The following PPARGC1A variants were observed in gnomAD, a reference collection of about 807,000 sequenced individuals.
PPARGC1A encodes peroxisome proliferator-activated receptor gamma coactivator 1-alpha.
In PPARGC1A, 25 loss-of-function variants were observed where a neutral mutation model predicts 88.7. That is an observed-to-expected ratio of 0.28 (90% CI 0.21 to 0.39). The LOEUF is 0.39. Ranked by LOEUF, PPARGC1A falls within the 10% of genes least tolerant of loss-of-function variation. PPARGC1A has a pLI of 1.00. For missense variants in PPARGC1A, 880 were observed against 968.7 expected (o/e 0.91, Z 1.22); for synonymous variants, 363 against 355.6 (o/e 1.02, Z -0.24).
At chr4:24,429,388 C>G in the PPARGC1A span, among the ~76,000 whole-genome samples, 5 of 152,092 alleles carry the variant, frequency 3.3e-5, no homozygotes, top group African/African-American at 7.2e-5. Flanking sequence ...TGCGTCACCC[C>G]CTACAAGGCC....
the PPARGC1A span, among the ~76,000 whole-genome samples, chr4:23,938,778 T>C: frequency 3.3e-4 from 50 of 152,198 alleles, no homozygotes; most frequent in African/African-American, 1.1e-3. Context: ...GTCAGAGAAA[T>C]AGTGTAGGAC....
the PPARGC1A span, among the ~76,000 whole-genome samples, chr4:24,451,544 G>A: frequency 6.6e-6 from 1 of 152,124 alleles, no homozygotes; most frequent in East Asian, 1.9e-4. Flanking sequence ...ACTGTGTGAT[G>A]GTTTGGGTTT....
the PPARGC1A span, among the ~76,000 whole-genome samples, chr4:24,227,134 G>T: frequency 6.6e-6 from 1 of 151,952 alleles, no homozygotes; most frequent in Non-Finnish European, 1.5e-5. Context: ...GCCCAGGCTG[G>T]AGTGCAGTGG....
chr4:23,835,729 A>G (rs1370010920), intron 2 of PPARGC1A, among the ~76,000 whole-genome samples: 1 of 152,182 alleles, frequency 6.6e-6, no homozygotes, highest in East Asian at 1.9e-4. Context: ...TGTTTTCTTT[A>G]ATCATAGAAA....
chr4:23,933,461 C>T, the PPARGC1A span, among the ~76,000 whole-genome samples: 1 of 152,216 alleles, frequency 6.6e-6, no homozygotes, highest in Non-Finnish European at 1.5e-5. Context: ...GTTGGACCAA[C>T]TCTCAACCTC....
the PPARGC1A span, among the ~76,000 whole-genome samples, chr4:24,033,597 T>C: frequency 3.9e-5 from 6 of 152,212 alleles, no homozygotes; most frequent in African/African-American, 1.4e-4. Context: ...GAACACATCC[T>C]TGTCTCTGAC....
the PPARGC1A span, among the ~76,000 whole-genome samples, chr4:24,155,068 A>C: frequency 1.3e-5 from 2 of 151,676 alleles, no homozygotes; most frequent in Non-Finnish European, 2.9e-5. Context: ...ATCTCAGGTC[A>C]GCCACTAAGA....
At chr4:23,992,496 G>C in the PPARGC1A span, among the ~76,000 whole-genome samples, 2 of 151,868 alleles carry the variant, frequency 1.3e-5, no homozygotes, top group Non-Finnish European at 2.9e-5. Flanking sequence ...CTGGCACCTC[G>C]AGTAGTTATA....
intron 10 of PPARGC1A, among the ~76,000 whole-genome samples, chr4:23,808,341 C>G (rs1467168644): frequency 1.3e-5 from 2 of 151,976 alleles, no homozygotes; most frequent in African/African-American, 4.8e-5. Flanking sequence ...CTACACTGTC[C>G]CTGGCTTCTG....
chr4:23,978,736 T>C, the PPARGC1A span, among the ~76,000 whole-genome samples: 1 of 152,204 alleles, frequency 6.6e-6, no homozygotes, highest in Non-Finnish European at 1.5e-5. Context: ...TTTAGAAGAA[T>C]ATTTTATTTA....
At chr4:24,137,314 A>G in the PPARGC1A span, among the ~76,000 whole-genome samples, 4 of 151,918 alleles carry the variant, frequency 2.6e-5, no homozygotes, top group Admixed American at 2.6e-4. Flanking sequence ...CAACACCTTG[A>G]TCTTGGACCT....
At chr4:24,271,277 T>C in the PPARGC1A span, among the ~76,000 whole-genome samples, 4 of 152,166 alleles carry the variant, frequency 2.6e-5, no homozygotes, top group African/African-American at 9.7e-5. Flanking sequence ...GTTCAAGAAA[T>C]GCACAATTCC....
chr4:24,360,869 T>C, the PPARGC1A span, among the ~76,000 whole-genome samples: 6 of 152,220 alleles, frequency 3.9e-5, no homozygotes, highest in South Asian at 2.1e-4. Flanking sequence ...GTACCTTATA[T>C]ATAGCTTAAA....
the PPARGC1A span, among the ~76,000 whole-genome samples, chr4:24,274,691 C>A: frequency 6.6e-6 from 1 of 152,304 alleles, no homozygotes; most frequent in East Asian, 1.9e-4. Flanking sequence ...GTCTTATCTG[C>A]CATAACTTGC....
chr4:23,933,612 C>A, the PPARGC1A span, among the ~76,000 whole-genome samples: 1 of 152,196 alleles, frequency 6.6e-6, no homozygotes, highest in East Asian at 1.9e-4. Context: ...CCAGCAAACT[C>A]TGAGAGGCTA....
chr4:24,396,691 C>T, the PPARGC1A span, among the ~76,000 whole-genome samples: 2 of 152,008 alleles, frequency 1.3e-5, no homozygotes, highest in Non-Finnish European at 2.9e-5. Flanking sequence ...GTTTAGGGGG[C>T]AAAGAGCACC....
At chr4:24,198,017 A>T in the PPARGC1A span, among the ~76,000 whole-genome samples, 1 of 152,128 alleles carries the variant, frequency 6.6e-6, no homozygotes, top group African/African-American at 2.4e-5. Flanking sequence ...ACCTGGTGAA[A>T]TTCCAACTGT....
intron 12 of PPARGC1A, 85 bp from the exon 13 acceptor site, chr4:23,796,010 G>A (rs1455876997): frequency 8.9e-6 from 8 of 897,136 alleles, no homozygotes; most frequent in African/African-American, 6.7e-5. Context: ...TACTGGATTC[G>A]ATAACAACTC....
the PPARGC1A span, among the ~76,000 whole-genome samples, chr4:23,957,961 A>G: frequency 4.5e-3 from 678 of 152,164 alleles, 3 homozygotes; most frequent in African/African-American, 0.015. Context: ...GGGGCCTGAA[A>G]ATTGTAGTTT....
Sources: gnomAD v4.1 joint callset for allele counts (sites outside exome capture counted in the v4.1 genomes callset) on GRCh38, gnomAD v4.1.1 for gene constraint, MANE v1.5 for transcripts, NCBI Gene and HGNC (gene_info 2026-07-23, HGNC 2026-07-21) for gene names.